SGCZ: variants seen among roughly 807,000 people sequenced by gnomAD.
The protein encoded by SGCZ is sarcoglycan zeta, also known as zeta-sarcoglycan.
SGCZ carries 40 observed loss-of-function variants against 41.3 expected under a neutral mutation model. That is an observed-to-expected ratio of 0.97 (90% CI 0.75 to 1.26). The LOEUF (loss-of-function observed/expected upper bound fraction) is 1.26. Ranked by LOEUF, SGCZ falls within the 50% of genes most tolerant of loss-of-function variation. The pLI, the probability that SGCZ is intolerant of heterozygous loss-of-function variation, is 0.00. For missense variants in SGCZ, 552 were observed against 369.8 expected, an observed-to-expected ratio of 1.49 and a Z score of -4.04; for synonymous variants, 206 against 137.5, an observed-to-expected ratio of 1.50 and a Z score of -3.49.
At chr8:14,342,186 G>C (rs372641931) in intron 2 of SGCZ, among the ~76,000 whole-genome samples, 1 of 152,206 alleles carries the variant, frequency 6.6e-6, no homozygotes, top group Non-Finnish European at 1.5e-5. Context: ...TAAGGAACTT[G>C]TTGGGAACTG....
chr8:14,085,228 C>T lies in SGCZ; in HGVS notation c.*5215G>A, dbSNP rs1441802391. Among the ~76,000 whole-genome samples, 1 of 151,602 alleles carries T rather than the reference C, an allele frequency of 6.6e-6. No homozygotes were observed. The highest frequency in any genetic ancestry group is 6.6e-5 in the Admixed American group (1 of 15,180). ...ATATTGCAATTTTACAAACATGTTG[C>T]ATAGTATGTGTAAGAAAATAGTTCC... On this transcript the variant is annotated 3_prime_UTR_variant, in exon 8 of 8. Transcript: ENST00000382080.
At chr8:14,603,350 T>A (rs573825450) in intron 1 of SGCZ, among the ~76,000 whole-genome samples, 31 of 152,296 alleles carry the variant, frequency 2.0e-4, no homozygotes, top group African/African-American at 7.2e-4. Flanking sequence ...CATTTGAGCA[T>A]GTCTCACAGC....
intron 4 of SGCZ, among the ~76,000 whole-genome samples, chr8:14,204,433 G>C (rs1223949986): frequency 6.6e-6 from 1 of 152,126 alleles, no homozygotes; most frequent in Non-Finnish European, 1.5e-5. Flanking sequence ...GGGTGAATGT[G>C]AGTCCTTCCT....
At chr8:14,713,728 GTTATTTAGA>G (rs1809597276) in intron 1 of SGCZ, among the ~76,000 whole-genome samples, 1 of 150,712 alleles carries the variant, frequency 6.6e-6, no homozygotes, top group Admixed American at 6.6e-5. Context: ...GATAATACAG[GTTATTTAGA>G]AATTTCAGCC....
intron 5 of SGCZ, among the ~76,000 whole-genome samples, chr8:14,146,438 A>C (rs1321902712): frequency 6.6e-6 from 1 of 152,194 alleles, no homozygotes; most frequent in African/African-American, 2.4e-5. Flanking sequence ...AGAAATGCTA[A>C]AGGAATTATT....
chr8:14,177,965 T>TTTTTTTCTTTTTC (rs1804603752), intron 4 of SGCZ, among the ~76,000 whole-genome samples: 1 of 138,192 alleles, frequency 7.2e-6, no homozygotes, highest in African/African-American at 2.6e-5. Flanking sequence ...TTTCTTTTTT[T>TTTTTTTCTTTTTC]TTTTTTTTTT....
intron 2 of SGCZ, among the ~76,000 whole-genome samples, chr8:14,378,009 T>C (rs991562028): frequency 2.7e-5 from 4 of 149,686 alleles, no homozygotes; most frequent in East Asian, 3.9e-4. Flanking sequence ...TGTGTCTTTA[T>C]AGCAGCATGA....
At chr8:14,222,792 ATTTTTTTTTTTTTTTTTT>A (rs775444301) in intron 4 of SGCZ, among the ~76,000 whole-genome samples, 8 of 48,854 alleles carry the variant, frequency 1.6e-4, no homozygotes, top group Non-Finnish European at 2.7e-4. Context: ...AGTCACAGTG[ATTTTTTTTTTTTTTTTTT>A]TTTTTTTTTT....
chr8:15,223,437 C>T (rs546248641), intron 1 of SGCZ, among the ~76,000 whole-genome samples: 1 of 152,258 alleles, frequency 6.6e-6, no homozygotes, highest in African/African-American at 2.4e-5. Flanking sequence ...TGGTAATAAC[C>T]TTATAAAAAA....
intron 3 of SGCZ, among the ~76,000 whole-genome samples, chr8:14,253,219 T>C (rs1467246913): frequency 7.0e-6 from 1 of 142,064 alleles, no homozygotes; most frequent in Non-Finnish European, 1.5e-5. Flanking sequence ...AAAAATATGC[T>C]TCTAAAAAAT....
intron 4 of SGCZ, among the ~76,000 whole-genome samples, chr8:14,202,288 A>G (rs1805479548): frequency 6.6e-6 from 1 of 152,114 alleles, no homozygotes; most frequent in South Asian, 2.1e-4. Context: ...AAAGGGCAAA[A>G]AAGTTTGTCC....
rs573954331 is a variant in SGCZ, at chr8:15,204,298, TA to T, written c.39+33286del. Among the ~76,000 whole-genome samples the T allele has an allele frequency of 1.5e-3, 223 of 152,286 alleles. 1 individual carries two copies. Among genetic ancestry groups the T allele is most frequent in the African/African-American group, 4.6e-3 (192 of 41,560 alleles). On this transcript the variant is annotated intron_variant, in intron 1 of 7. Transcript: ENST00000382080. The stretch of plus-strand genomic sequence containing the variant: ...AAGTCAAATAACATTTTCTCCAACT[TA>T]AAATTCAAAAAGTATGCAGAAGGGT...
Position 14,442,329 on chromosome 8 carries a change from C to T in SGCZ, c.234+112403G>A, listed in dbSNP as rs542631847. 6.4e-4 allele frequency among the ~76,000 whole-genome samples: 98 copies of T among 152,282 alleles called. 1 individual carries two copies. The highest frequency in any genetic ancestry group is 2.3e-3 in the African/African-American group (96 of 41,562). ...TTATAAAAGGGAGTTCCCTTGCACA[C>T]ACTCTCTTGCCTGCTGCCATGTAAG... On this transcript the variant is annotated intron_variant, in intron 2 of 7. Transcript: ENST00000382080.
At chr8:14,284,559 C>A (rs1178235460) in intron 3 of SGCZ, among the ~76,000 whole-genome samples, 1 of 152,174 alleles carries the variant, frequency 6.6e-6, no homozygotes, top group Non-Finnish European at 1.5e-5. Flanking sequence ...TTTATTCATA[C>A]AGATAATCTT....
intron 1 of SGCZ, 32 bp from the exon 2 acceptor site, chr8:14,554,958 AGG>A: frequency 6.7e-7 from 1 of 1,497,310 alleles, no homozygotes; most frequent in South Asian, 1.4e-5. Flanking sequence ...AAGAGAAAGA[AGG>A]AAAAAAAAAG....
chr8:15,083,161 T>C (rs1481466529), intron 1 of SGCZ, among the ~76,000 whole-genome samples: 1 of 152,176 alleles, frequency 6.6e-6, no homozygotes, highest in Admixed American at 6.5e-5. Context: ...GAAATTGGAA[T>C]TGTAAAATGA....
intron 1 of SGCZ, among the ~76,000 whole-genome samples, chr8:14,712,289 G>T (rs1034629247): frequency 6.6e-6 from 1 of 152,174 alleles, no homozygotes; most frequent in Non-Finnish European, 1.5e-5. Context: ...GGCTGGCGCT[G>T]CCTGGTTGAT....
At chr8:14,615,990 T>A (rs1806087380) in intron 1 of SGCZ, among the ~76,000 whole-genome samples, 1 of 152,052 alleles carries the variant, frequency 6.6e-6, no homozygotes, top group South Asian at 2.1e-4. Flanking sequence ...GATTGTAGTA[T>A]GGAAAACCCT....
At chr8:14,125,807 A>G (rs530716929) in intron 5 of SGCZ, among the ~76,000 whole-genome samples, 1 of 152,310 alleles carries the variant, frequency 6.6e-6, no homozygotes, top group Admixed American at 6.5e-5. Context: ...TGGAGATACC[A>G]GAAGTAAGAC....
Sources: allele counts gnomAD v4.1 joint callset (sites outside exome capture counted in the v4.1 genomes callset), GRCh38; gene constraint gnomAD v4.1.1; transcripts MANE v1.5; gene names NCBI Gene and HGNC (gene_info 2026-07-23, HGNC 2026-07-21).